The following FSBP variants were observed in gnomAD, a reference collection of about 807,000 sequenced individuals.
FSBP encodes the protein fibrinogen silencer binding protein.
Under a neutral mutation model 24.6 loss-of-function variants are expected in FSBP, and 18 were observed. The ratio of observed to expected loss-of-function variants is 0.73; its 90% CI spans 0.51 to 1.08. The LOEUF (loss-of-function observed/expected upper bound fraction) is 1.08, where lower values mean the gene tolerates loss of function less well. Ranked by LOEUF, FSBP falls within the 50% of genes least tolerant of loss-of-function variation. The pLI is 0.00. For missense variants in FSBP, 305 were observed against 347.6 expected (o/e 0.88, Z 0.98); for synonymous variants, 110 against 125.8 (o/e 0.87, Z 0.84).
intron 1 of FSBP, 64 bp downstream of exon 1, chr8:94,436,431 T>C: frequency 6.8e-7 from 1 of 1,461,338 alleles, no homozygotes; most frequent in East Asian, 2.5e-5. Flanking sequence ...CTATCACGAC[T>C]AAGCCAAAGC....
At position 94,436,482 on chromosome 8, in the gene FSBP, A is replaced by G. The variant is rs3136405; in HGVS notation, c.374+13T>C. Reference sequence around the variant, plus strand: ...CGCCATAATTTTCCATAACAAAACAAAATAAAGCTTACCTTTGTATGTGGT... The same window carrying G: ...CGCCATAATTTTCCATAACAAAACAGAATAAAGCTTACCTTTGTATGTGGT... On this transcript the variant is annotated intron_variant, in intron 1 of 1. Coordinates refer to ENST00000481490, the MANE Select transcript of FSBP (RefSeq NM_001256141.2). 38,268 of 1,526,510 alleles carry G rather than the reference A, an allele frequency of 0.025. 1,371 individuals are homozygous for G. The highest frequency in any genetic ancestry group is 0.14 in the Admixed American group (6,677 of 46,278). The allele number at this position is 1,526,510 out of a possible 1,614,324, so 94.6% of individuals were successfully genotyped here. A position where few individuals can be genotyped will look rare whatever the true frequency, so the allele number is the denominator to read the frequency against.
chr8:94,436,675 G>A lies in FSBP; in HGVS notation c.194C>T (p.Ala65Val). The A allele has an allele frequency of 6.4e-7, 1 of 1,550,560 alleles. No homozygotes were observed. Among genetic ancestry groups the A allele is most frequent in the East Asian group, 2.4e-5 (1 of 40,910 alleles). Reference protein sequence around the residue: ...AIGVDRPPRTAQGLRTLYKRL... With the variant: ...AIGVDRPPRTVQGLRTLYKRL... Reference sequence around the variant, plus strand: ...TTTATAAAGGGTGCGTAGGCCCTGTGCTGTTCGAGGAGGGCGGTCTACTCC... The same window carrying A: ...TTTATAAAGGGTGCGTAGGCCCTGTACTGTTCGAGGAGGGCGGTCTACTCC... The change falls in exon 1 of 2, where the codon GCA (alanine) becomes GTA (valine). Residue 65 changes from alanine (A) to valine (V), a missense_variant. Transcript: ENST00000481490.
Position 94,429,022 on chromosome 8 carries a change from AG to A in FSBP, c.*3108del, listed in dbSNP as rs1366284927. On this transcript the variant is annotated 3_prime_UTR_variant, in exon 2 of 2. Transcript: ENST00000481490. ...GTTATACAAGGGGAGGTAGACAATGAGGAGAATTATATGCATTTAAACTTTT... is the reference window on the plus strand; with the variant it reads ...GTTATACAAGGGGAGGTAGACAATGAGAGAATTATATGCATTTAAACTTTT... The A allele has an allele frequency of 2.9e-5, 29 of 983,606 alleles. No homozygotes were observed. The highest frequency in any genetic ancestry group is 3.5e-5 in the Non-Finnish European group (29 of 828,374). The allele number at this position is 983,606 out of a possible 1,614,324, so 60.9% of individuals were successfully genotyped here.
rs563527529 is a variant in FSBP at position 94,427,972 on chromosome 8, T to C, written c.*4159A>G. 50 of 918,196 alleles carry C rather than the reference T, an allele frequency of 5.4e-5. No homozygotes were observed. In the Admixed American group the frequency reaches 2.4e-3, roughly 44 times the overall value. The allele number at this position is 918,196 out of a possible 1,614,324, so 56.9% of individuals were successfully genotyped here. A position where few individuals can be genotyped will look rare whatever the true frequency, so the allele number is the denominator to read the frequency against. Reference sequence around the variant, plus strand: ...ATAACACCAAGTTAATATCTCATCATACACAAAAGAAAAATACTTGACTAT... The same window carrying C: ...ATAACACCAAGTTAATATCTCATCACACACAAAAGAAAAATACTTGACTAT... On this transcript the variant is annotated 3_prime_UTR_variant, in exon 2 of 2. Transcript: ENST00000481490.
chr8:94,435,174 T>C (rs548708353), intron 1 of FSBP, among the ~76,000 whole-genome samples: 2 of 152,082 alleles, frequency 1.3e-5, no homozygotes, highest in East Asian at 3.9e-4. Flanking sequence ...TACTGCGTAG[T>C]TTTCTGGATA....
Position 94,432,637 on chromosome 8 carries a change from C to T in FSBP, c.394G>A (p.Ala132Thr). Residue 132 changes from alanine (A) to threonine (T), a missense_variant, in exon 2 of 2, where the codon GCA (alanine) becomes ACA (threonine). Transcript: ENST00000481490. ...TGTAGTGAACTGGTACCAGCCTGTG[C>T]CTCCTCATCCAAGTTTGCACTATAG... ...HIQSANLDEEAQAGTSSLQVM... is the reference protein window; with the variant it reads ...HIQSANLDEETQAGTSSLQVM... 1 of 1,536,868 alleles carries T rather than the reference C, an allele frequency of 6.5e-7. No homozygotes were observed. The highest frequency in any genetic ancestry group is 8.8e-7 in the Non-Finnish European group (1 of 1,139,492).
rs1012930269 is a variant in FSBP at position 94,431,472 on chromosome 8, A to G, written c.*659T>C. The G allele has an allele frequency of 9.5e-5, 93 of 982,478 alleles. No homozygotes were observed. The highest frequency in any genetic ancestry group is 1.4e-4 in the South Asian group (3 of 21,222). The allele number at this position is 982,478 out of a possible 1,614,324, so 60.9% of individuals were successfully genotyped here. On this transcript the variant is annotated 3_prime_UTR_variant, in exon 2 of 2. Transcript: ENST00000481490. ...AATATTTAAATCTAGAGAATGTTTT[A>G]GTGGATATTTACTTCTATCGAATAG...
At chr8:94,433,863 A>T (rs1298020511) in intron 1 of FSBP, among the ~76,000 whole-genome samples, 4 of 151,878 alleles carry the variant, frequency 2.6e-5, no homozygotes, top group African/African-American at 9.7e-5. Context: ...ATGGATGATT[A>T]AAATGCTGGA....
At chr8:94,432,741 A>C in intron 1 of FSBP, 85 bp from the exon 2 acceptor site, 1 of 1,361,198 alleles carries the variant, frequency 7.3e-7, no homozygotes, top group Non-Finnish European at 9.5e-7. Context: ...TTTAATGTAC[A>C]TTAAATGATA....
rs937180568 is a variant in FSBP at position 94,429,967 on chromosome 8, C to T, written c.*2164G>A. 9.9e-5 allele frequency: 98 copies of T among 985,254 alleles called. No homozygotes were observed. Among genetic ancestry groups the T allele is most frequent in the Middle Eastern group, 5.2e-4 (1 of 1,936 alleles). The allele number at this position is 985,254 out of a possible 1,614,324, so 61.0% of individuals were successfully genotyped here. On this transcript the variant is annotated 3_prime_UTR_variant, in exon 2 of 2. Transcript: ENST00000481490. ...TCACAACTATAATCAAATTAGCCCT[C>T]TAATTCAAAGCATTCAATGGCTTCT...
Position 94,431,969 on chromosome 8 carries a change from A to G in FSBP, c.*162T>C. On this transcript the variant is annotated 3_prime_UTR_variant, in exon 2 of 2. Coordinates refer to ENST00000481490, the MANE Select transcript of FSBP (RefSeq NM_001256141.2). ...CATGCCAACCAACCAGTAAATTTTAATATCTCAAAAGAAAATAATTAGAAA... is the reference window on the plus strand; with the variant it reads ...CATGCCAACCAACCAGTAAATTTTAGTATCTCAAAAGAAAATAATTAGAAA... 1.5e-6 allele frequency: 2 copies of G among 1,303,314 alleles called. No homozygotes were observed. The highest frequency in any genetic ancestry group is 9.8e-7 in the Non-Finnish European group (1 of 1,022,542). The allele number at this position is 1,303,314 out of a possible 1,614,324, so 80.7% of individuals were successfully genotyped here. A position where few individuals can be genotyped will look rare whatever the true frequency, so the allele number is the denominator to read the frequency against.
intron 1 of FSBP, among the ~76,000 whole-genome samples, chr8:94,433,298 A>G (rs999705684): frequency 6.6e-6 from 1 of 152,066 alleles, no homozygotes; most frequent in African/African-American, 2.4e-5. Context: ...TCTGAACCAT[A>G]TGACTCAGAT....
At chr8:94,434,581 G>A (rs1812205746) in intron 1 of FSBP, among the ~76,000 whole-genome samples, 1 of 151,714 alleles carries the variant, frequency 6.6e-6, no homozygotes, top group African/African-American at 2.4e-5. Context: ...GAAGAGTTTG[G>A]TAAGATTAAC....
At chr8:94,436,390 C>T in intron 1 of FSBP, 105 bp downstream of exon 1, 2 of 1,332,660 alleles carry the variant, frequency 1.5e-6, no homozygotes, top group Admixed American at 3.0e-5. Flanking sequence ...ATTCATTGCT[C>T]CCGTTGTGGG....
In FSBP at chr8:94,436,901, A is replaced by C; in HGVS notation, c.-33T>G. On this transcript the variant is annotated 5_prime_UTR_variant, in exon 1 of 2. Transcript: ENST00000481490. ...TTCAAATTAAGTAGGCAGTTTCTGA[A>C]ACCACCATGCAGCCTTCAGCTCTGC... 6.7e-7 allele frequency: 1 copy of C among 1,488,570 alleles called. No homozygotes were observed. The allele number at this position is 1,488,570 out of a possible 1,614,324, so 92.2% of individuals were successfully genotyped here.
At chr8:94,433,919 C>G (rs373167090) in intron 1 of FSBP, among the ~76,000 whole-genome samples, 1 of 151,546 alleles carries the variant, frequency 6.6e-6, no homozygotes, top group Non-Finnish European at 1.5e-5. Flanking sequence ...ACTACCCATA[C>G]GTTACTTACT....
chr8:94,431,599 T>A lies in FSBP; in HGVS notation c.*532A>T. On this transcript the variant is annotated 3_prime_UTR_variant, in exon 2 of 2. Transcript: ENST00000481490. ...GTCATTGAGTTCTCCCTGGACCTGT[T>A]TCATTACCCCTAAACTGCAGAGATG... 1.1e-6 allele frequency: 1 copy of A among 920,308 alleles called. No individual in the cohort carries two copies. Among genetic ancestry groups the A allele is most frequent in the Non-Finnish European group, 1.3e-6 (1 of 770,860 alleles). The allele number at this position is 920,308 out of a possible 1,614,324, so 57.0% of individuals were successfully genotyped here. A position where few individuals can be genotyped will look rare whatever the true frequency, so the allele number is the denominator to read the frequency against.
Position 94,431,313 on chromosome 8 carries a change from T to C in FSBP, c.*818A>G. ...CTTTAAATCACACAGCCAAAATATATAATAGCTTCAATGGAATACCTTATC... is the reference window on the plus strand; with the variant it reads ...CTTTAAATCACACAGCCAAAATATACAATAGCTTCAATGGAATACCTTATC... On this transcript the variant is annotated 3_prime_UTR_variant, in exon 2 of 2. Coordinates refer to ENST00000481490, the MANE Select transcript of FSBP (RefSeq NM_001256141.2). 1 of 977,242 alleles carries C rather than the reference T, an allele frequency of 1.0e-6. No individual in the cohort carries two copies. Among genetic ancestry groups the C allele is most frequent in the Non-Finnish European group, 1.2e-6 (1 of 822,544 alleles). The allele number at this position is 977,242 out of a possible 1,614,324, so 60.5% of individuals were successfully genotyped here.
rs1812046028 is a variant in FSBP at position 94,429,989 on chromosome 8, T to A, written c.*2142A>T. 8 of 985,380 alleles carry A rather than the reference T, an allele frequency of 8.1e-6. No homozygotes were observed. The South Asian group carries it at 3.8e-4, about 46-fold the overall frequency. 61.0% of individuals were successfully genotyped at this position (985,380 alleles called of 1,614,324 possible). On this transcript the variant is annotated 3_prime_UTR_variant, in exon 2 of 2. Transcript: ENST00000481490. ...CCTCTAATTCAAAGCATTCAATGGC[T>A]TCTCATTGTACGTTAAGTCTGACTC...
Sources: gnomAD v4.1 joint callset for allele counts (sites outside exome capture counted in the v4.1 genomes callset) on GRCh38, gnomAD v4.1.1 for gene constraint, MANE v1.5 for transcripts, NCBI Gene and HGNC (gene_info 2026-07-23, HGNC 2026-07-21) for gene names.